IQSEC1: variants seen among roughly 807,000 people sequenced by gnomAD.
The protein encoded by IQSEC1 is IQ motif and SEC7 domain-containing protein 1.
IQSEC1 carries 31 observed loss-of-function variants against 91.0 expected under a neutral mutation model. That is an observed-to-expected ratio of 0.34 (90% confidence interval 0.26 to 0.46). The LOEUF is 0.46. Ranked by LOEUF, IQSEC1 falls within the 20% of genes least tolerant of loss-of-function variation. The pLI is 1.00. For synonymous variants in IQSEC1, 699 were observed against 662.6 expected (o/e 1.05, Z -0.84); for missense variants, 1,388 against 1,575.6 (o/e 0.88, Z 2.02).
At chr3:13,000,483 A>G (rs1032646867) in intron 1 of IQSEC1, among the ~76,000 whole-genome samples, 5 of 152,332 alleles carry the variant, frequency 3.3e-5, no homozygotes, top group Middle Eastern at 3.4e-3. Flanking sequence ...GCTATTATTA[A>G]TAAAAATAAC....
At chr3:13,191,493 TTTTTTTTTTTTTTTTG>T (rs947434721) in intron 1 of IQSEC1, among the ~76,000 whole-genome samples, 5 of 142,512 alleles carry the variant, frequency 3.5e-5, no homozygotes, top group African/African-American at 1.3e-4. Flanking sequence ...TTTTTTTTTT[TTTTTTTTTTTTTTTTG>T]TATTTTTAGT....
intron 1 of IQSEC1, among the ~76,000 whole-genome samples, chr3:13,039,386 C>A (rs1704166211): frequency 6.6e-6 from 1 of 152,246 alleles, no homozygotes; most frequent in East Asian, 1.9e-4. Flanking sequence ...GGGAGCCTGG[C>A]ACACCCTGTG....
chr3:13,269,393 C>T (rs1381187141), intron 1 of IQSEC1, among the ~76,000 whole-genome samples: 1 of 152,184 alleles, frequency 6.6e-6, no homozygotes, highest in Non-Finnish European at 1.5e-5. Flanking sequence ...GCTGCTTTGC[C>T]ATATGGCAGG....
intron 1 of IQSEC1, among the ~76,000 whole-genome samples, chr3:13,250,612 ATTTTATTTTATTTT>A (rs1559286491): frequency 3.7e-5 from 4 of 109,106 alleles, no homozygotes; most frequent in African/African-American, 1.7e-4. Flanking sequence ...AATTTATTTT[ATTTTATTTTATTTT>A]ATTTTATTTT....
At chr3:12,907,577 C>T (rs1002034225) in intron 12 of IQSEC1, among the ~76,000 whole-genome samples, 4 of 152,184 alleles carry the variant, frequency 2.6e-5, no homozygotes, top group South Asian at 2.1e-4. Context: ...TGCAGCGGCA[C>T]GAGCCGGCAC....
At position 12,908,271 on chromosome 3, in the gene IQSEC1, G is replaced by C; in HGVS notation, c.2755+78C>G. On this transcript the variant is annotated intron_variant, in intron 12 of 13. Coordinates refer to ENST00000613206, the MANE Select transcript of IQSEC1 (RefSeq NM_001134382.3). The surrounding 1 kb of genome is among the most constrained non-coding windows in gnomAD (Gnocchi z 4.9). ...CGCCGCAGGCCCTGCCCCGCGTGAT[G>C]CATGCCCTGAATGCAGACGCCCTGC... The C allele has an allele frequency of 1.3e-6, 2 of 1,487,170 alleles. No homozygotes were observed. Among genetic ancestry groups the C allele is most frequent in the South Asian group, 1.2e-5 (1 of 84,250 alleles). The allele number at this position is 1,487,170 out of a possible 1,614,324, so 92.1% of individuals were successfully genotyped here. A position where few individuals can be genotyped will look rare whatever the true frequency, so the allele number is the denominator to read the frequency against.
rs1351955998 is a variant in IQSEC1, at chr3:13,078,469, C to G, written c.303-30947G>C. ...CTGCCATACCCCTCCTTTCTCCCCT[C>G]AAACCCTGCACCTCTCAGCAGGCAG... On this transcript the variant is annotated intron_variant, in intron 2 of 15. Coordinates refer to the IQSEC1 transcript ENST00000648114. Among the ~76,000 whole-genome samples the G allele has an allele frequency of 2.0e-5, 3 of 152,298 alleles. No individual in the cohort carries two copies. The East Asian group carries it at 5.8e-4, about 29-fold the overall frequency.
At position 12,925,074 on chromosome 3, in the gene IQSEC1, GGGAGCT is replaced by G. The variant is rs566835568; in HGVS notation, c.1569-338_1569-333del. ...GGGCTGGCTGCAGGGGTGCTTCTGTGGGAGCTGGAGCTGGACCGTCACTCCCCTGCC... is the reference window on the plus strand; with the variant it reads ...GGGCTGGCTGCAGGGGTGCTTCTGTGGGAGCTGGACCGTCACTCCCCTGCC... On this transcript the variant is annotated intron_variant, in intron 3 of 13. Coordinates refer to ENST00000613206, the MANE Select transcript of IQSEC1 (RefSeq NM_001134382.3). Among the ~76,000 whole-genome samples the G allele has an allele frequency of 3.2e-3, 482 of 152,276 alleles. 3 individuals carry two copies. The highest frequency in any genetic ancestry group is 0.011 in the African/African-American group (457 of 41,554).
chr3:13,201,564 G>A (rs567995250), intron 1 of IQSEC1, among the ~76,000 whole-genome samples: 16 of 152,116 alleles, frequency 1.1e-4, no homozygotes, highest in Non-Finnish European at 1.8e-4. Flanking sequence ...GGCTGGTCTC[G>A]AACTCCCAGC....
chr3:13,246,275 AG>A (rs1695106968), intron 1 of IQSEC1, among the ~76,000 whole-genome samples: 1 of 152,204 alleles, frequency 6.6e-6, no homozygotes, highest in Non-Finnish European at 1.5e-5. Context: ...CGAGAACAGC[AG>A]GACTCCACTG....
intron 1 of IQSEC1, among the ~76,000 whole-genome samples, chr3:13,048,107 A>T (rs75113348): frequency 0.01 from 1,534 of 152,200 alleles, 15 homozygotes; most frequent in African/African-American, 0.033. Flanking sequence ...CTAGGATCAC[A>T]TCCCACCTCC....
chr3:13,003,500 T>C (rs1037790707), intron 1 of IQSEC1, among the ~76,000 whole-genome samples: 7 of 152,028 alleles, frequency 4.6e-5, no homozygotes, highest in Admixed American at 3.9e-4. Flanking sequence ...GGAAAATGGG[T>C]ATGTGGTTTA....
chr3:13,209,482 G>C (rs560797088), intron 1 of IQSEC1, among the ~76,000 whole-genome samples: 11 of 152,316 alleles, frequency 7.2e-5, no homozygotes, highest in African/African-American at 1.7e-4. Flanking sequence ...CCTCGCGCAG[G>C]CTGTGCTGGG....
In IQSEC1 at chr3:12,992,424, C is replaced by A. The variant is rs1055983365; in HGVS notation, c.24-50559G>T. On this transcript the variant is annotated intron_variant, in intron 1 of 13. Coordinates refer to ENST00000613206, the MANE Select transcript of IQSEC1 (RefSeq NM_001134382.3). This position sits in a 1 kb window ranked among gnomAD's most constrained non-coding sequence, Gnocchi z 4.1. ...ATCTGGTTTCTGGGCTCTAATTGCA[C>A]ATGGCTTCAGCAGCCTGGCCATCTT... Among the ~76,000 whole-genome samples, 1 of 152,204 alleles carries A rather than the reference C, an allele frequency of 6.6e-6. No individual in the cohort carries two copies. Among genetic ancestry groups the A allele is most frequent in the Non-Finnish European group, 1.5e-5 (1 of 68,034 alleles).
chr3:13,187,191 C>T (rs1693948603), intron 1 of IQSEC1, among the ~76,000 whole-genome samples: 1 of 152,196 alleles, frequency 6.6e-6, no homozygotes, highest in African/African-American at 2.4e-5. Flanking sequence ...ATGGGTTAGG[C>T]ACTATACTAA....
intron 6 of IQSEC1, among the ~76,000 whole-genome samples, chr3:12,916,343 A>C (rs921498212): frequency 2.0e-5 from 3 of 152,172 alleles, no homozygotes; most frequent in Admixed American, 6.5e-5. Flanking sequence ...GGCCCACATC[A>C]CATGGGCAGA....
intron 2 of IQSEC1, among the ~76,000 whole-genome samples, chr3:13,152,606 C>T (rs1272923681): frequency 6.6e-6 from 1 of 152,194 alleles, no homozygotes; most frequent in African/African-American, 2.4e-5. Flanking sequence ...CGTGGTGGCT[C>T]ACGCCTATAA....
At chr3:12,951,958 T>C (rs568367536) in intron 1 of IQSEC1, among the ~76,000 whole-genome samples, 6 of 152,040 alleles carry the variant, frequency 3.9e-5, no homozygotes, top group South Asian at 4.1e-4. Flanking sequence ...GATGGAGCCC[T>C]CACATGGAAA....
At chr3:12,926,509 G>A (rs367834899) in intron 3 of IQSEC1, among the ~76,000 whole-genome samples, 7 of 152,218 alleles carry the variant, frequency 4.6e-5, no homozygotes, top group African/African-American at 1.7e-4. Context: ...AGTGGTTGGG[G>A]ACACCCTCCA....
Sources: gnomAD v4.1 joint callset for allele counts (sites outside exome capture counted in the v4.1 genomes callset) on GRCh38, gnomAD v4.1.1 for gene constraint, Gnocchi (gnomAD v3.1) non-coding constraint, MANE v1.5 for transcripts, NCBI Gene and HGNC (gene_info 2026-07-23, HGNC 2026-07-21) for gene names.